ARID1B: variants seen among roughly 807,000 people sequenced by gnomAD.
The protein encoded by ARID1B is AT-rich interactive domain-containing protein 1B.
In ARID1B, 30 loss-of-function variants were observed where a neutral mutation model predicts 212.3. That is an observed-to-expected ratio of 0.14 (90% CI 0.11 to 0.19). The LOEUF is 0.19. Ranked by LOEUF, ARID1B falls within the 10% of genes least tolerant of loss-of-function variation. The pLI is 1.00. For synonymous variants in ARID1B, 1,402 were observed against 1,301.7 expected, an observed-to-expected ratio of 1.08 and a Z score of -1.66; for missense variants, 2,891 against 3,204.0, an observed-to-expected ratio of 0.90 and a Z score of 2.36.
chr6:156,802,646 C>G (rs1263409321), intron 1 of ARID1B, among the ~76,000 whole-genome samples: 1 of 152,228 alleles, frequency 6.6e-6, no homozygotes, highest in African/African-American at 2.4e-5. Flanking sequence ...GGCTACAGCT[C>G]TCCTAGCCCC....
At chr6:156,838,082 T>A (rs1783636876) in intron 2 of ARID1B, among the ~76,000 whole-genome samples, 1 of 152,220 alleles carries the variant, frequency 6.6e-6, no homozygotes, top group African/African-American at 2.4e-5. Context: ...TGAGCCAAAT[T>A]CATCTCCCTT....
intron 5 of ARID1B, among the ~76,000 whole-genome samples, chr6:157,105,386 C>G (rs1187979561): frequency 6.6e-6 from 1 of 151,874 alleles, no homozygotes; most frequent in Non-Finnish European, 1.5e-5. Flanking sequence ...AACTGACAAA[C>G]TAGGAGAAGA....
At chr6:157,004,237 T>A (rs1779073960) in intron 4 of ARID1B, among the ~76,000 whole-genome samples, 1 of 152,136 alleles carries the variant, frequency 6.6e-6, no homozygotes, top group Admixed American at 6.5e-5. Context: ...CTGATTAACA[T>A]TAGGGCACAT....
chr6:156,834,986 G>A (rs1180628962), intron 2 of ARID1B, among the ~76,000 whole-genome samples: 2 of 151,714 alleles, frequency 1.3e-5, no homozygotes, highest in South Asian at 2.1e-4. Context: ...TGTAATCCCA[G>A]CACTTGGGGA....
In ARID1B at chr6:157,133,033, A is replaced by G. The variant is rs1341872184; in HGVS notation, c.2587A>G (p.Met863Val). ...QSPMPQERGF[M>V]AGTQRNPQMA... is the part of the protein sequence containing the mutation. ...TCCATTTATTTCCCACTTAGGTTTT[A>G]TGGCAGGCACACAAAGAAACCCTCA... Residue 863 changes from methionine (M) to valine (V), a missense_variant, in exon 7 of 20, where the codon ATG becomes GTG. Transcript: ENST00000636930. 1 of 1,598,316 alleles carries G rather than the reference A, an allele frequency of 6.3e-7. No homozygotes were observed. Among genetic ancestry groups the G allele is most frequent in the Admixed American group, 1.8e-5 (1 of 55,510 alleles).
In ARID1B at chr6:157,090,281, C is replaced by G. The variant is rs921330067; in HGVS notation, c.2491+5376C>G. ...TGAGGAATGGACAGGCAGGTGTTAA[C>G]TGTTCATAGCCTGGCTACTTTTGTT... On this transcript the variant is annotated intron_variant, in intron 5 of 19. Coordinates refer to ENST00000636930, the MANE Select transcript of ARID1B (RefSeq NM_001374828.1). Among the ~76,000 whole-genome samples the G allele has an allele frequency of 7.2e-5, 11 of 152,194 alleles. No individual in the cohort carries two copies. The South Asian group carries it at 8.3e-4, about 11-fold the overall frequency.
intron 13 of ARID1B, chr6:157,186,622 T>C (rs1336468074): frequency 4.5e-6 from 2 of 447,564 alleles, no homozygotes; most frequent in Non-Finnish European, 9.4e-6. Flanking sequence ...TCCCAACTAT[T>C]GGCCATGTTA....
intron 19 of ARID1B, chr6:157,205,852 A>T (rs1488235322): frequency 4.0e-5 from 12 of 297,192 alleles, no homozygotes. Flanking sequence ...AAAGGTAAAG[A>T]ACAGCAAGGC....
intron 5 of ARID1B, among the ~76,000 whole-genome samples, chr6:157,105,894 C>G (rs564921150): frequency 2.0e-4 from 31 of 152,148 alleles, no homozygotes; most frequent in Non-Finnish European, 3.5e-4. Flanking sequence ...ACCATCGTAC[C>G]TGGCCAAGAC....
At chr6:157,095,120 C>T (rs555013521) in intron 5 of ARID1B, among the ~76,000 whole-genome samples, 1 of 152,264 alleles carries the variant, frequency 6.6e-6, no homozygotes, top group South Asian at 2.1e-4. Context: ...GCCTCAGCAT[C>T]ACTTGGAGGG....
intron 16 of ARID1B, among the ~76,000 whole-genome samples, chr6:157,198,331 C>A (rs1793872761): frequency 6.6e-6 from 1 of 152,324 alleles, no homozygotes. Context: ...ATTTTCCATT[C>A]ATAATGAGAA....
At chr6:157,156,885 G>A (rs949758879) in intron 8 of ARID1B, among the ~76,000 whole-genome samples, 1 of 152,302 alleles carries the variant, frequency 6.6e-6, no homozygotes, top group South Asian at 2.1e-4. Context: ...ATCACGTGAG[G>A]AGCACACAGG....
chr6:157,053,937 A>G (rs939399275), intron 4 of ARID1B, among the ~76,000 whole-genome samples: 1 of 150,060 alleles, frequency 6.7e-6, no homozygotes, highest in African/African-American at 2.5e-5. Flanking sequence ...AAAAATAAAA[A>G]CATTAGGCCG....
intron 1 of ARID1B, among the ~76,000 whole-genome samples, chr6:156,826,808 G>A (rs772789146): frequency 1.1e-4 from 17 of 152,066 alleles, no homozygotes; most frequent in Non-Finnish European, 1.9e-4. Flanking sequence ...TGGCACACCT[G>A]TTTCGTTGCT....
chr6:156,891,974 C>G (rs1355205583), intron 2 of ARID1B, among the ~76,000 whole-genome samples: 1 of 150,378 alleles, frequency 6.6e-6, no homozygotes, highest in African/African-American at 2.5e-5. Context: ...CCGGTTCAAG[C>G]GATTCTCCTG....
At chr6:157,160,021 G>A (rs1583425575) in intron 8 of ARID1B, among the ~76,000 whole-genome samples, 1 of 152,236 alleles carries the variant, frequency 6.6e-6, no homozygotes. Context: ...TTAACAGGGA[G>A]CTGGAAGATA....
At chr6:157,131,433 T>C (rs1483009297) in intron 6 of ARID1B, among the ~76,000 whole-genome samples, 1 of 151,848 alleles carries the variant, frequency 6.6e-6, no homozygotes, top group Non-Finnish European at 1.5e-5. Flanking sequence ...GGCTGAGGGA[T>C]GAGAAGGACC....
Position 156,778,112 on chromosome 6 carries a change from G to A in ARID1B, c.432G>A (p.Thr144=), listed in dbSNP as rs369887127. Residue 144 remains threonine (T), a synonymous_variant, in exon 1 of 20, where the codon ACG becomes ACA. Coordinates refer to ENST00000636930, the MANE Select transcript of ARID1B (RefSeq NM_001374828.1). ...SSSGPGSAME[T]GLLPNHKLKT... The stretch of plus-strand genomic sequence containing the variant: ...CGGGCCCGGGCTCGGCCATGGAGAC[G>A]GGGCTGCTCCCCAACCACAAACTGA... 10 of 1,541,044 alleles carry A rather than the reference G, an allele frequency of 6.5e-6. No homozygotes were observed. In the Admixed American group the frequency reaches 9.8e-5, roughly 15 times the overall value.
intron 13 of ARID1B, chr6:157,186,729 A>C: frequency 5.8e-6 from 2 of 345,066 alleles, no homozygotes; most frequent in South Asian, 4.5e-5. Flanking sequence ...ATTATAGTTT[A>C]TTTTTTACCA....
Sources: gnomAD v4.1 joint callset for allele counts (sites outside exome capture counted in the v4.1 genomes callset) on GRCh38, gnomAD v4.1.1 for gene constraint, MANE v1.5 for transcripts, NCBI Gene and HGNC (gene_info 2026-07-23, HGNC 2026-07-21) for gene names.